GPR63: variants seen among roughly 807,000 people sequenced by gnomAD.
GPR63 encodes G protein-coupled receptor 63, also known as probable G protein-coupled receptor 63.
GPR63 carries 12 observed loss-of-function variants against 23.1 expected under a neutral mutation model. The ratio of observed to expected loss-of-function variants is 0.52; its 90% CI spans 0.33 to 0.84. The LOEUF (loss-of-function observed/expected upper bound fraction) is 0.84. GPR63 is among the 40% of genes least tolerant of loss of function. The pLI is 0.02. For synonymous variants in GPR63, 172 were observed against 191.1 expected, an observed-to-expected ratio of 0.90 and a Z score of 0.82; for missense variants, 472 against 515.6, an observed-to-expected ratio of 0.92 and a Z score of 0.82.
chr6:96,819,791 G>C (rs2127955079), intron 1 of GPR63, among the ~76,000 whole-genome samples: 2 of 151,098 alleles, frequency 1.3e-5, no homozygotes, highest in Middle Eastern at 3.4e-3. Context: ...GGCTAACATG[G>C]TGAAACCCTT....
intron 1 of GPR63, among the ~76,000 whole-genome samples, chr6:96,829,117 A>T (rs1774515300): frequency 6.6e-6 from 1 of 152,236 alleles, no homozygotes; most frequent in Non-Finnish European, 1.5e-5. Flanking sequence ...TAAAGATTTA[A>T]ATAGCACATT....
rs1773539207 is a variant in GPR63 at position 96,794,712 on chromosome 6, C to A, written c.*3760G>T. The A allele has an allele frequency of 6.6e-6, 1 of 152,120 alleles. No individual in the cohort carries two copies. Among genetic ancestry groups the A allele is most frequent in the South Asian group, 2.1e-4 (1 of 4,824 alleles). The allele number at this position is 152,120 out of a possible 1,614,324, so 9.4% of individuals were successfully genotyped here. On this transcript the variant is annotated 3_prime_UTR_variant, in exon 2 of 2. Coordinates refer to ENST00000229955, the MANE Select transcript of GPR63 (RefSeq NM_030784.4). Reference sequence around the variant, plus strand: ...TCTTTACATTCTTCCGGGAATTACACACAATAAAGACAGCTCTCTATAAGA... The same window carrying A: ...TCTTTACATTCTTCCGGGAATTACAAACAATAAAGACAGCTCTCTATAAGA...
Position 96,832,143 on chromosome 6 carries a change from A to G in GPR63, c.-151+5125T>C, listed in dbSNP as rs373168062. ...CTAAGGGCCATTTTTAGAAATTAAA[A>G]TATCATAGTATTTTTCTATATGTAT... On this transcript the variant is annotated intron_variant, in intron 1 of 1. Coordinates refer to ENST00000229955, the MANE Select transcript of GPR63 (RefSeq NM_030784.4). Among the ~76,000 whole-genome samples the G allele has an allele frequency of 2.6e-5, 4 of 152,134 alleles. No homozygotes were observed. The East Asian group carries it at 7.7e-4, about 29-fold the overall frequency.
intron 1 of GPR63, among the ~76,000 whole-genome samples, chr6:96,812,161 G>T (rs1774062047): frequency 6.6e-6 from 1 of 151,922 alleles, no homozygotes; most frequent in South Asian, 2.1e-4. Context: ...TACCTTATTT[G>T]CAAGGCATAT....
chr6:96,810,300 A>G (rs1774007543), intron 1 of GPR63, among the ~76,000 whole-genome samples: 1 of 152,146 alleles, frequency 6.6e-6, no homozygotes, highest in Admixed American at 6.5e-5. Context: ...GCTCGAGACC[A>G]GTCTGGCCAA....
In GPR63 at chr6:96,796,361, G is replaced by A. The variant is rs2127937805; in HGVS notation, c.*2111C>T. The A allele has an allele frequency of 6.6e-6, 1 of 152,220 alleles. No homozygotes were observed. Among genetic ancestry groups the A allele is most frequent in the South Asian group, 2.1e-4 (1 of 4,824 alleles). The allele number at this position is 152,220 out of a possible 1,614,324, so 9.4% of individuals were successfully genotyped here. On this transcript the variant is annotated 3_prime_UTR_variant, in exon 2 of 2. Coordinates refer to ENST00000229955, the MANE Select transcript of GPR63 (RefSeq NM_030784.4). ...TGGTTTTACAAATGAAGAAATAGAA[G>A]CTTATTTTTTCCACTGGCTCACAAA...
At chr6:96,816,678 G>A (rs919332991) in intron 1 of GPR63, among the ~76,000 whole-genome samples, 4 of 152,274 alleles carry the variant, frequency 2.6e-5, no homozygotes, top group Middle Eastern at 3.4e-3. Context: ...CTGAGAAACC[G>A]AGAGCCTGCA....
intron 1 of GPR63, among the ~76,000 whole-genome samples, chr6:96,818,148 T>C (rs1327458810): frequency 6.6e-6 from 1 of 151,674 alleles, no homozygotes; most frequent in Non-Finnish European, 1.5e-5. Context: ...ATAGCCAGAG[T>C]AATCCTGAGC....
chr6:96,800,439 A>G (rs1035347539), intron 1 of GPR63, among the ~76,000 whole-genome samples: 8 of 152,156 alleles, frequency 5.3e-5, no homozygotes, highest in African/African-American at 2.4e-5. Flanking sequence ...GTAATTGTCA[A>G]TGAAGATCTG....
At position 96,821,130 on chromosome 6, in the gene GPR63, G is replaced by GA. The variant is rs991642323; in HGVS notation, c.-151+16137dup. On this transcript the variant is annotated intron_variant, in intron 1 of 1. Transcript: ENST00000229955. The stretch of plus-strand genomic sequence containing the variant: ...TTACTGAACCTCAGGTTTTTCATCA[G>GA]AAAAATGGAGATGATCATAGTGCAG... Among the ~76,000 whole-genome samples the GA allele has an allele frequency of 1.9e-3, 291 of 152,212 alleles. 1 individual carries two copies. Among genetic ancestry groups the GA allele is most frequent in the African/African-American group, 6.7e-3 (280 of 41,522 alleles).
intron 1 of GPR63, among the ~76,000 whole-genome samples, chr6:96,833,105 A>C (rs1774632889): frequency 6.6e-6 from 1 of 152,212 alleles, no homozygotes; most frequent in South Asian, 2.1e-4. Context: ...ATCAAAATGG[A>C]GTAGGAAGAC....
intron 1 of GPR63, among the ~76,000 whole-genome samples, chr6:96,827,409 A>C (rs1480470141): frequency 6.6e-6 from 1 of 152,130 alleles, no homozygotes; most frequent in Non-Finnish European, 1.5e-5. Flanking sequence ...TAGAAAGTCT[A>C]CCAGACATGG....
At chr6:96,829,940 TATATATTATACATTATATACA>T (rs1446355606) in intron 1 of GPR63, among the ~76,000 whole-genome samples, 2 of 152,192 alleles carry the variant, frequency 1.3e-5, no homozygotes, top group Non-Finnish European at 2.9e-5. Flanking sequence ...TCATCTCTAC[TATATATTATACATTATATACA>T]ATAAATTAAC....
At chr6:96,805,220 TGGAGAGGTTTCAGGAGG>T (rs981345956) in intron 1 of GPR63, among the ~76,000 whole-genome samples, 1 of 152,166 alleles carries the variant, frequency 6.6e-6, no homozygotes, top group Non-Finnish European at 1.5e-5. Flanking sequence ...CATCTGCTCC[TGGAGAGGTTTCAGGAGG>T]CTTACAATCA....
chr6:96,803,958 CAT>C (rs1219094641), intron 1 of GPR63, among the ~76,000 whole-genome samples: 15 of 152,194 alleles, frequency 9.9e-5, no homozygotes, highest in East Asian at 1.9e-4. Flanking sequence ...AATGTGTGCA[CAT>C]GATATATGCA....
intron 1 of GPR63, among the ~76,000 whole-genome samples, chr6:96,823,952 G>A (rs754230503): frequency 6.6e-6 from 1 of 152,062 alleles, no homozygotes; most frequent in Non-Finnish European, 1.5e-5. Flanking sequence ...TGCACACTAT[G>A]ACGTTAACAC....
intron 1 of GPR63, among the ~76,000 whole-genome samples, chr6:96,835,624 T>C (rs1255525525): frequency 6.6e-6 from 1 of 152,196 alleles, no homozygotes; most frequent in African/African-American, 2.4e-5. Flanking sequence ...TTAGTTATGT[T>C]TATTTTTCCT....
chr6:96,802,516 T>C (rs906097743), intron 1 of GPR63, among the ~76,000 whole-genome samples: 8 of 150,396 alleles, frequency 5.3e-5, no homozygotes, highest in Non-Finnish European at 8.9e-5. Flanking sequence ...GAAAAACACA[T>C]CAGTAGATAA....
At chr6:96,819,474 A>C (rs1219869606) in intron 1 of GPR63, among the ~76,000 whole-genome samples, 3 of 152,088 alleles carry the variant, frequency 2.0e-5, no homozygotes, top group African/African-American at 4.8e-5. Flanking sequence ...CAATGAGAAC[A>C]CATGGAGACA....
Sources: allele counts gnomAD v4.1 joint callset (sites outside exome capture counted in the v4.1 genomes callset), GRCh38; gene constraint gnomAD v4.1.1; transcripts MANE v1.5; gene names NCBI Gene and HGNC (gene_info 2026-07-23, HGNC 2026-07-21).